GNA14: variants seen among roughly 807,000 people sequenced by gnomAD.
GNA14 encodes G protein subunit alpha 14, also known as guanine nucleotide-binding protein subunit alpha-14.
Under a neutral mutation model 42.0 loss-of-function variants are expected in GNA14, and 50 were observed. That is an observed-to-expected ratio of 1.19 (90% CI 0.95 to 1.51). GNA14 has a LOEUF of 1.51. Among genes scored for constraint, GNA14 ranks in the 40% most tolerant of loss-of-function variants. The pLI, the probability that GNA14 is intolerant of heterozygous loss-of-function variation, is 0.00. For synonymous variants in GNA14, 173 were observed against 163.1 expected (o/e 1.06, Z -0.46); for missense variants, 473 against 446.2 (o/e 1.06, Z -0.54).
chr9:77,490,156 A>G (rs1277856216), intron 2 of GNA14, among the ~76,000 whole-genome samples: 2 of 152,182 alleles, frequency 1.3e-5, no homozygotes, highest in Admixed American at 6.5e-5. Context: ...GCTAGACATA[A>G]AGGTTCTCCA....
chr9:77,552,951 G>C (rs1344247392), intron 1 of GNA14, among the ~76,000 whole-genome samples: 2 of 152,140 alleles, frequency 1.3e-5, no homozygotes, highest in Non-Finnish European at 2.9e-5. Flanking sequence ...AACTCAATGA[G>C]GGTTTTCTGA....
intron 3 of GNA14, among the ~76,000 whole-genome samples, chr9:77,432,044 C>T (rs1298094012): frequency 2.0e-5 from 3 of 150,932 alleles, no homozygotes; most frequent in Admixed American, 2.0e-4. Flanking sequence ...TATTTTTGGC[C>T]ATATATTGAA....
At chr9:77,452,318 G>T (rs541028187) in intron 2 of GNA14, among the ~76,000 whole-genome samples, 1 of 152,162 alleles carries the variant, frequency 6.6e-6, no homozygotes, top group South Asian at 2.1e-4. Flanking sequence ...TCTCTCTGCC[G>T]CCTAACTCTT....
At chr9:77,524,885 C>T (rs142957743) in intron 2 of GNA14, among the ~76,000 whole-genome samples, 64 of 152,222 alleles carry the variant, frequency 4.2e-4, no homozygotes, top group African/African-American at 1.5e-3. Flanking sequence ...TAAATCACTT[C>T]CTTTTGCTCA....
At chr9:77,549,025 C>T (rs1465462014) in intron 1 of GNA14, among the ~76,000 whole-genome samples, 4 of 152,016 alleles carry the variant, frequency 2.6e-5, no homozygotes, top group Non-Finnish European at 5.9e-5. Flanking sequence ...CTGCAACCTC[C>T]GTCTCCTGGG....
intron 1 of GNA14, among the ~76,000 whole-genome samples, chr9:77,570,024 C>A (rs2131795678): frequency 6.6e-6 from 1 of 152,254 alleles, no homozygotes; most frequent in East Asian, 1.9e-4. Context: ...CTCGGCCTCC[C>A]AAAGTGCTGG....
chr9:77,538,011 TCAA>T (rs1301566840), intron 1 of GNA14, among the ~76,000 whole-genome samples: 1 of 152,082 alleles, frequency 6.6e-6, no homozygotes, highest in Non-Finnish European at 1.5e-5. Flanking sequence ...TTTCTCCCAT[TCAA>T]CAAGTTGTTT....
chr9:77,460,194 G>C (rs1587774364), intron 2 of GNA14, among the ~76,000 whole-genome samples: 1 of 152,168 alleles, frequency 6.6e-6, no homozygotes, highest in Non-Finnish European at 1.5e-5. Flanking sequence ...TTGAGATGAG[G>C]TCACGTTGGA....
intron 1 of GNA14, among the ~76,000 whole-genome samples, chr9:77,591,008 G>A (rs778059677): frequency 3.9e-5 from 6 of 152,140 alleles, no homozygotes; most frequent in African/African-American, 1.4e-4. Flanking sequence ...AAAGAACCAC[G>A]GGTCACAACC....
intron 1 of GNA14, among the ~76,000 whole-genome samples, chr9:77,644,466 A>AAAAAAAAAAAAAAC (rs1824323488): frequency 7.0e-6 from 1 of 143,464 alleles, no homozygotes; most frequent in South Asian, 2.2e-4. Context: ...AAAAAAAAAG[A>AAAAAAAAAAAAAAC]CACAGGAATG....
chr9:77,542,173 G>A (rs1020052551), intron 1 of GNA14, among the ~76,000 whole-genome samples: 1 of 152,070 alleles, frequency 6.6e-6, no homozygotes, highest in African/African-American at 2.4e-5. Context: ...GTTTTCATAG[G>A]GGAGGACTTT....
intron 2 of GNA14, among the ~76,000 whole-genome samples, chr9:77,489,409 G>C (rs962623924): frequency 2.6e-5 from 4 of 152,176 alleles, no homozygotes; most frequent in African/African-American, 4.8e-5. Context: ...ATAAATATCA[G>C]AACAGGAAGA....
At chr9:77,429,717 T>A (rs1293206819) in intron 4 of GNA14, among the ~76,000 whole-genome samples, 1 of 152,198 alleles carries the variant, frequency 6.6e-6, no homozygotes, top group East Asian at 1.9e-4. Flanking sequence ...GGGGGCCCTG[T>A]CTACAGGGAA....
At chr9:77,556,700 T>A (rs1374745880) in intron 1 of GNA14, among the ~76,000 whole-genome samples, 1 of 152,070 alleles carries the variant, frequency 6.6e-6, no homozygotes, top group African/African-American at 2.4e-5. Flanking sequence ...GCTTGGAAAT[T>A]GCCTTGTGCC....
rs974060318 is a variant in GNA14 at position 77,561,560 on chromosome 9, G to A, written c.125-32307C>T. Among the ~76,000 whole-genome samples the A allele has an allele frequency of 2.0e-5, 3 of 152,138 alleles. No individual in the cohort carries two copies. The South Asian group carries it at 6.2e-4, about 31-fold the overall frequency. ...GAAATGCTCACAGATGCTACAGTAT[G>A]GATGAACCTTGAAAATATTTGCTAA... On this transcript the variant is annotated intron_variant, in intron 1 of 6. Transcript: ENST00000341700.
chr9:77,575,604 T>C (rs571530684), intron 1 of GNA14, among the ~76,000 whole-genome samples: 23 of 152,360 alleles, frequency 1.5e-4, no homozygotes, highest in Non-Finnish European at 2.8e-4. Flanking sequence ...TGAGTTATAA[T>C]GTCTGAAGAC....
chr9:77,621,342 T>C (rs141175948), intron 1 of GNA14, among the ~76,000 whole-genome samples: 425 of 152,352 alleles, frequency 2.8e-3, no homozygotes, highest in African/African-American at 1.0e-2. Flanking sequence ...CACCAAGATA[T>C]AATTACATTG....
At chr9:77,618,636 T>TTA (rs1823872083) in intron 1 of GNA14, among the ~76,000 whole-genome samples, 2 of 51,828 alleles carry the variant, frequency 3.9e-5, no homozygotes, top group Non-Finnish European at 6.9e-5. Flanking sequence ...TTTTTTTTTT[T>TTA]TTTTTTTTTT....
intron 1 of GNA14, among the ~76,000 whole-genome samples, chr9:77,614,109 T>A (rs1259035828): frequency 6.6e-6 from 1 of 152,060 alleles, no homozygotes; most frequent in African/African-American, 2.4e-5. Context: ...GTACATGGAG[T>A]TCAATGTACA....
Sources: allele counts gnomAD v4.1 joint callset (sites outside exome capture counted in the v4.1 genomes callset), GRCh38; gene constraint gnomAD v4.1.1; transcripts MANE v1.5; gene names NCBI Gene and HGNC (gene_info 2026-07-23, HGNC 2026-07-21).